SLC25A37: variants seen among roughly 807,000 people sequenced by gnomAD.
The protein encoded by SLC25A37 is mitoferrin-1.
Under a neutral mutation model 31.0 loss-of-function variants are expected in SLC25A37, and 17 were observed. The ratio of observed to expected loss-of-function variants is 0.55; its 90% confidence interval spans 0.38 to 0.82. SLC25A37 has a LOEUF of 0.82. Ranked by LOEUF, SLC25A37 falls within the 40% of genes least tolerant of loss-of-function variation. The probability of loss-of-function intolerance (pLI) is 0.00; values close to 1 mark genes in which losing one functional copy is unlikely to be tolerated. For missense variants in SLC25A37, 404 were observed against 465.8 expected (o/e 0.87, Z 1.22); for synonymous variants, 222 against 193.0 (o/e 1.15, Z -1.24).
chr8:23,533,676 A>G (rs1801706070), intron 1 of SLC25A37, among the ~76,000 whole-genome samples: 1 of 152,220 alleles, frequency 6.6e-6, no homozygotes, highest in African/African-American at 2.4e-5. Flanking sequence ...CTTGAACCCC[A>G]GAGCTTTTTG....
intron 1 of SLC25A37, among the ~76,000 whole-genome samples, chr8:23,554,062 G>T (rs1374464267): frequency 1.3e-5 from 2 of 151,976 alleles, no homozygotes; most frequent in African/African-American, 4.8e-5. Flanking sequence ...AGATAGGATA[G>T]CCTAGTTGTT....
At chr8:23,531,877 T>C (rs1489779293) in intron 1 of SLC25A37, 1 of 152,220 alleles carries the variant, frequency 6.6e-6, no homozygotes, top group African/African-American at 2.4e-5. Context: ...TGGTGGGCCA[T>C]GACCCATTAG....
intron 1 of SLC25A37, among the ~76,000 whole-genome samples, chr8:23,565,236 T>C (rs147591753): frequency 9.9e-5 from 15 of 152,214 alleles, no homozygotes; most frequent in Non-Finnish European, 2.1e-4. Context: ...CCTTCATACA[T>C]ACATCTAAAC....
rs186744276 is a variant in SLC25A37, at chr8:23,548,216, G to T, written c.211-17892G>T. Among the ~76,000 whole-genome samples, 44 of 152,158 alleles carry T rather than the reference G, an allele frequency of 2.9e-4. 2 individuals are homozygous for T. In the South Asian group the frequency reaches 2.9e-3, roughly 10 times the overall value. On this transcript the variant is annotated intron_variant, in intron 1 of 3. Transcript: ENST00000519973. Reference sequence around the variant, plus strand: ...TTTTTTTGAGATGGAGTCTGTCTCTGTCACCAGGCTGGACTGCAGTGGCGC... The same window carrying T: ...TTTTTTTGAGATGGAGTCTGTCTCTTTCACCAGGCTGGACTGCAGTGGCGC...
intron 1 of SLC25A37, among the ~76,000 whole-genome samples, chr8:23,559,356 T>TGTGTGTGC (rs1802451493): frequency 2.0e-5 from 3 of 151,720 alleles, no homozygotes; most frequent in Non-Finnish European, 4.4e-5. Context: ...TGTGTGTGCG[T>TGTGTGTGC]GTGTGTGCGC....
intron 3 of SLC25A37, among the ~76,000 whole-genome samples, chr8:23,570,290 T>G (rs1802786694): frequency 6.6e-6 from 1 of 152,162 alleles, no homozygotes; most frequent in African/African-American, 2.4e-5. Context: ...CACATTATCT[T>G]TCTCAAGAGA....
intron 1 of SLC25A37, among the ~76,000 whole-genome samples, chr8:23,534,099 C>T (rs1040141700): frequency 2.0e-5 from 3 of 152,150 alleles, no homozygotes; most frequent in Non-Finnish European, 4.4e-5. Flanking sequence ...CAGGCACATG[C>T]CACCATGCCT....
chr8:23,565,453 T>C (rs1161022732), intron 1 of SLC25A37, among the ~76,000 whole-genome samples: 1 of 151,860 alleles, frequency 6.6e-6, no homozygotes, highest in East Asian at 1.9e-4. Context: ...AGCCATTCTT[T>C]TATTCCTTTA....
At chr8:23,560,500 C>G (rs1038607677) in intron 1 of SLC25A37, among the ~76,000 whole-genome samples, 3 of 152,160 alleles carry the variant, frequency 2.0e-5, no homozygotes, top group Admixed American at 1.3e-4. Flanking sequence ...ATTGTTTTTT[C>G]TCCTCTGTAT....
At chr8:23,556,230 AT>A (rs10687321) in intron 1 of SLC25A37, among the ~76,000 whole-genome samples, 1,530 of 139,866 alleles carry the variant, frequency 0.011, 37 homozygotes, top group African/African-American at 0.035. Context: ...AAGAGCACCA[AT>A]TTTTTTTTTT....
rs1801629379 is a variant in SLC25A37 at position 23,529,846 on chromosome 8, G to A, written c.210+634G>A. On this transcript the variant is annotated intron_variant, in intron 1 of 3. Coordinates refer to ENST00000519973, the MANE Select transcript of SLC25A37 (RefSeq NM_016612.4). This position sits in a 1 kb window ranked among gnomAD's most constrained non-coding sequence, Gnocchi z 4.1. ...CCTGCACTTCTTCCCCCGACTTTGG[G>A]TCGCCGAGCCGCCGGGAGGCAATGA... Among the ~76,000 whole-genome samples, 1 of 152,098 alleles carries A rather than the reference G, an allele frequency of 6.6e-6. No homozygotes were observed. The highest frequency in any genetic ancestry group is 6.5e-5 in the Admixed American group (1 of 15,286).
At chr8:23,533,737 G>GTGTTTT (rs1470036589) in intron 1 of SLC25A37, among the ~76,000 whole-genome samples, 1 of 152,142 alleles carries the variant, frequency 6.6e-6, no homozygotes, top group Admixed American at 6.5e-5. Flanking sequence ...CAAAGAATTT[G>GTGTTTT]TGTTTTTGTT....
At chr8:23,539,772 TG>T (rs1242836850) in intron 1 of SLC25A37, among the ~76,000 whole-genome samples, 3 of 152,366 alleles carry the variant, frequency 2.0e-5, no homozygotes, top group Admixed American at 6.5e-5. Context: ...AATGACAGAT[TG>T]TATCAGAGGC....
At chr8:23,541,012 CAG>C (rs1356961806) in intron 1 of SLC25A37, among the ~76,000 whole-genome samples, 3 of 152,206 alleles carry the variant, frequency 2.0e-5, no homozygotes, top group Non-Finnish European at 2.9e-5. Flanking sequence ...CACTAGGACT[CAG>C]TGCAGCTGCC....
At chr8:23,556,752 T>G (rs1204514415) in intron 1 of SLC25A37, among the ~76,000 whole-genome samples, 1 of 152,178 alleles carries the variant, frequency 6.6e-6, no homozygotes, top group African/African-American at 2.4e-5. Context: ...GGGATAAAGT[T>G]AGTTATACTC....
chr8:23,538,760 C>T (rs1329825308), intron 1 of SLC25A37, among the ~76,000 whole-genome samples: 1 of 152,206 alleles, frequency 6.6e-6, no homozygotes, highest in Non-Finnish European at 1.5e-5. Context: ...ACAGAACCAG[C>T]TCCCTTTCAA....
intron 1 of SLC25A37, among the ~76,000 whole-genome samples, chr8:23,540,356 G>A (rs1563252322): frequency 6.6e-6 from 1 of 152,210 alleles, no homozygotes; most frequent in African/African-American, 2.4e-5. Context: ...TCTAGAATAT[G>A]AGAAAGGGCT....
At chr8:23,540,588 C>T (rs1353778415) in intron 1 of SLC25A37, among the ~76,000 whole-genome samples, 1 of 152,230 alleles carries the variant, frequency 6.6e-6, no homozygotes, top group Non-Finnish European at 1.5e-5. Context: ...TCTGGCTTCT[C>T]TCTCTGAAAC....
At chr8:23,535,203 C>T (rs1191395906) in intron 1 of SLC25A37, among the ~76,000 whole-genome samples, 1 of 152,182 alleles carries the variant, frequency 6.6e-6, no homozygotes, top group African/African-American at 2.4e-5. Context: ...CCCATCTGTC[C>T]CTTGGGCAGC....
Sources: gnomAD v4.1 joint callset for allele counts (sites outside exome capture counted in the v4.1 genomes callset) on GRCh38, gnomAD v4.1.1 for gene constraint, Gnocchi (gnomAD v3.1) non-coding constraint, MANE v1.5 for transcripts, NCBI Gene and HGNC (gene_info 2026-07-23, HGNC 2026-07-21) for gene names.